Variants in VPS13B observed in about 807,000 individuals in gnomAD.
The protein encoded by VPS13B is vacuolar protein sorting 13 homolog B.
VPS13B carries 285 observed loss-of-function variants against 426.4 expected under a neutral mutation model. The ratio of observed to expected loss-of-function variants is 0.67; its 90% CI spans 0.61 to 0.74. VPS13B has a LOEUF of 0.74. VPS13B is among the 30% of genes least tolerant of loss of function. The pLI, the probability that VPS13B is intolerant of heterozygous loss-of-function variation, is 0.00. For synonymous variants in VPS13B, 1,676 were observed against 1,676.4 expected, an observed-to-expected ratio of 1.00 and a Z score of 0.01; for missense variants, 4,537 against 4,782.6, an observed-to-expected ratio of 0.95 and a Z score of 1.51.
intron 13 of VPS13B, among the ~76,000 whole-genome samples, chr8:99,144,001 C>G (rs1174787652): frequency 2.0e-5 from 3 of 152,076 alleles, no homozygotes; most frequent in Admixed American, 1.3e-4. Context: ...AAGAGCATGC[C>G]TTCCTTCTTT....
intron 3 of VPS13B, among the ~76,000 whole-genome samples, chr8:99,079,838 T>G (rs923778420): frequency 2.0e-5 from 3 of 151,558 alleles, no homozygotes; most frequent in Admixed American, 1.3e-4. Flanking sequence ...GGCAGGAGAA[T>G]CGCTTGAACC....
intron 2 of VPS13B, among the ~76,000 whole-genome samples, chr8:99,015,827 C>T (rs1218126788): frequency 6.6e-6 from 1 of 151,956 alleles, no homozygotes; most frequent in Non-Finnish European, 1.5e-5. Context: ...TGCTTGAACC[C>T]GGGAGGTGGA....
At chr8:99,149,600 G>A (rs548744041) in intron 14 of VPS13B, among the ~76,000 whole-genome samples, 53 of 150,248 alleles carry the variant, frequency 3.5e-4, no homozygotes, top group African/African-American at 1.2e-3. Context: ...TTACAGGTGT[G>A]AGCCACCACA....
Position 99,136,647 on chromosome 8 carries a change from G to T in VPS13B, c.1564-18G>T. The T allele has an allele frequency of 1.2e-6, 2 of 1,612,858 alleles. No homozygotes were observed. The highest frequency in any genetic ancestry group is 1.7e-6 in the Non-Finnish European group (2 of 1,179,132). On this transcript the variant is annotated intron_variant, in intron 11 of 61. Transcript: ENST00000357162. ...CTTTTATACAATGTTTATTCTGTTT[G>T]CATTGCTTTGTTGGCAGGAGACATA...
intron 19 of VPS13B, among the ~76,000 whole-genome samples, chr8:99,330,551 A>G (rs546095690): frequency 6.6e-6 from 1 of 151,996 alleles, no homozygotes; most frequent in Non-Finnish European, 1.5e-5. Flanking sequence ...CCCTACTCCT[A>G]GCCCAAATTA....
chr8:99,751,421 G>C (rs969771999), intron 39 of VPS13B, among the ~76,000 whole-genome samples: 11 of 152,062 alleles, frequency 7.2e-5, no homozygotes, highest in Non-Finnish European at 1.5e-4. Flanking sequence ...AGAAAAGTAT[G>C]GAATGAGTAC....
chr8:99,016,986 T>C (rs1587917729), intron 2 of VPS13B, among the ~76,000 whole-genome samples: 1 of 151,952 alleles, frequency 6.6e-6, no homozygotes. Context: ...CTCATAAAGG[T>C]GTCTTGATGA....
chr8:99,226,949 C>T (rs1423117678), intron 17 of VPS13B, among the ~76,000 whole-genome samples: 1 of 151,912 alleles, frequency 6.6e-6, no homozygotes, highest in Admixed American at 6.6e-5. Flanking sequence ...TGCTATTAGC[C>T]TCCCTACTCT....
At chr8:99,710,968 T>C (rs544087715) in intron 36 of VPS13B, among the ~76,000 whole-genome samples, 4 of 152,176 alleles carry the variant, frequency 2.6e-5, no homozygotes, top group Admixed American at 2.0e-4. Context: ...TCACACACTG[T>C]ACACCAGCCT....
At chr8:99,139,631 G>T (rs984116236) in intron 12 of VPS13B, among the ~76,000 whole-genome samples, 4 of 151,688 alleles carry the variant, frequency 2.6e-5, no homozygotes, top group East Asian at 1.9e-4. Context: ...TAGAGACAGG[G>T]TTTCACCATG....
intron 19 of VPS13B, among the ~76,000 whole-genome samples, chr8:99,282,683 G>A (rs1348410516): frequency 6.6e-6 from 1 of 151,964 alleles, no homozygotes; most frequent in African/African-American, 2.4e-5. Flanking sequence ...TAAAAATAAC[G>A]TTTTTTACTA....
chr8:99,229,913 T>C (rs185788359), intron 17 of VPS13B, among the ~76,000 whole-genome samples: 2 of 152,338 alleles, frequency 1.3e-5, no homozygotes, highest in Non-Finnish European at 1.5e-5. Flanking sequence ...CCACATTCAA[T>C]AGTCATAATG....
chr8:99,473,954 T>C (rs1241082384), intron 24 of VPS13B, among the ~76,000 whole-genome samples: 2 of 152,102 alleles, frequency 1.3e-5, no homozygotes, highest in African/African-American at 2.4e-5. Context: ...AAGACCTCTA[T>C]CCTGAAAACC....
chr8:99,562,455 A>G (rs541064031), intron 31 of VPS13B, among the ~76,000 whole-genome samples: 33 of 152,004 alleles, frequency 2.2e-4, no homozygotes, highest in Admixed American at 2.1e-3. Flanking sequence ...CAATTTTTGT[A>G]TTTTTAGTAG....
At chr8:99,311,821 C>CAG (rs1820993804) in intron 19 of VPS13B, among the ~76,000 whole-genome samples, 1 of 152,142 alleles carries the variant, frequency 6.6e-6, no homozygotes, top group Non-Finnish European at 1.5e-5. Flanking sequence ...CTTTGTAGGT[C>CAG]TCTAAGGACT....
intron 29 of VPS13B, among the ~76,000 whole-genome samples, chr8:99,516,363 T>C (rs1379065517): frequency 6.6e-6 from 1 of 152,186 alleles, no homozygotes; most frequent in Non-Finnish European, 1.5e-5. Context: ...AAATCATGAT[T>C]GAAGGAGCAA....
At chr8:99,742,537 G>C (rs921405119) in intron 39 of VPS13B, among the ~76,000 whole-genome samples, 1 of 152,112 alleles carries the variant, frequency 6.6e-6, no homozygotes, top group African/African-American at 2.4e-5. Context: ...GAGAATTTTA[G>C]ACCAATATCC....
In VPS13B at chr8:99,853,892, A is replaced by G. The variant is rs769970151; in HGVS notation, c.10503A>G (p.Leu3501=). The change falls in exon 56 of 62, where the codon TTA becomes TTG. Residue 3501 remains leucine (L), a synonymous_variant. Transcript: ENST00000357162. ...ATATTAATGAGTTCAGCTTTGAATT[A>G]AAACCTGCTCGGTTATACGTGGAAG... The part of the protein sequence containing the change: ...LCDINEFSFE[L]KPARLYVEDT... 6.2e-7 allele frequency: 1 copy of G among 1,614,252 alleles called. No homozygotes were observed. Among genetic ancestry groups the G allele is most frequent in the South Asian group, 1.1e-5 (1 of 91,092 alleles).
At chr8:99,378,121 C>T (rs1393817292) in intron 19 of VPS13B, among the ~76,000 whole-genome samples, 5 of 130,858 alleles carry the variant, frequency 3.8e-5, no homozygotes, top group Non-Finnish European at 7.9e-5. Flanking sequence ...ACCCCCAGAG[C>T]GGCCATTTTA....
Sources: allele counts gnomAD v4.1 joint callset (sites outside exome capture counted in the v4.1 genomes callset), GRCh38; gene constraint gnomAD v4.1.1; transcripts MANE v1.5; gene names NCBI Gene and HGNC (gene_info 2026-07-23, HGNC 2026-07-21).